The following MX2 variants were observed in gnomAD, a reference collection of about 807,000 sequenced individuals.
MX2 encodes the protein interferon-induced GTP-binding protein Mx2.
In MX2, 51 loss-of-function variants were observed where a neutral mutation model predicts 74.0. The observed-to-expected ratio is 0.69, with a 90% CI of 0.55 to 0.87. The LOEUF is 0.87. Among genes scored for constraint, MX2 ranks in the 40% least tolerant of loss-of-function variants. The pLI is 0.00. For synonymous variants in MX2, 369 were observed against 339.3 expected, an observed-to-expected ratio of 1.09 and a Z score of -0.96; for missense variants, 832 against 908.7, an observed-to-expected ratio of 0.92 and a Z score of 1.09.
Position 41,376,975 on chromosome 21 carries a change from A to T in MX2, c.69A>T (p.Lys23Asn). ...AATTTTCTTCTCGAAAATACCTGAA[A>T]AAAGAAATGAATTCCTTCCAGCAAC... ...RSQFSSRKYL[K>N]KEMNSFQQQP... Residue 23 changes from lysine to asparagine, a missense_variant, in exon 2 of 14, where the codon AAA becomes AAT. Coordinates refer to ENST00000330714, the MANE Select transcript of MX2 (RefSeq NM_002463.2). 6.2e-7 allele frequency: 1 copy of T among 1,614,136 alleles called. No homozygotes were observed. Among genetic ancestry groups the T allele is most frequent in the Non-Finnish European group, 8.5e-7 (1 of 1,180,036 alleles).
rs776928060 is a variant in MX2 at position 41,388,683 on chromosome 21, G to A, written c.733-1882G>A. ...CTAATGTTTGCTGCATGCACATAAC[G>A]TGCTCTTTATGGTCACCCCCTCTCC... On this transcript the variant is annotated intron_variant, in intron 5 of 13. Coordinates refer to ENST00000330714, the MANE Select transcript of MX2 (RefSeq NM_002463.2). This position sits in a 1 kb window ranked among gnomAD's most constrained non-coding sequence, Gnocchi z 4.0. Among the ~76,000 whole-genome samples, 9 of 152,174 alleles carry A rather than the reference G, an allele frequency of 5.9e-5. No individual in the cohort carries two copies. The highest frequency in any genetic ancestry group is 8.8e-5 in the Non-Finnish European group (6 of 68,036).
rs2089469348 is a variant in MX2 at position 41,380,160 on chromosome 21, A to G, written c.577+9A>G. On this transcript the variant is annotated intron_variant, in intron 4 of 13. Coordinates refer to ENST00000330714, the MANE Select transcript of MX2 (RefSeq NM_002463.2). The surrounding 1 kb of genome is among the most constrained non-coding windows in gnomAD (Gnocchi z 4.3). ...GAAAGAGATACACAAAGGTGGGCCC[A>G]CGTCATTCTGAGGTTCGGATCTGGC... The G allele has an allele frequency of 6.2e-7, 1 of 1,613,610 alleles. No individual in the cohort carries two copies. Among genetic ancestry groups the G allele is most frequent in the Admixed American group, 1.7e-5 (1 of 59,946 alleles).
At position 41,382,450 on chromosome 21, in the gene MX2, T is replaced by C. The variant is rs976797151; in HGVS notation, c.618T>C (p.His206=). The C allele has an allele frequency of 1.9e-6, 3 of 1,613,518 alleles. No homozygotes were observed. The highest frequency in any genetic ancestry group is 2.5e-6 in the Non-Finnish European group (3 of 1,179,596). The stretch of plus-strand genomic sequence containing the variant: ...CCGGGAATGGCCGGGGCATCAGCCA[T>C]GAGCTCATCAGCCTGGAGATCACCT... The part of the protein sequence containing the change: ...VMAGNGRGIS[H]ELISLEITSP... The change falls in exon 5 of 14, where the codon CAT becomes CAC. Residue 206 remains histidine, a synonymous_variant. Transcript: ENST00000330714.
At position 41,402,070 on chromosome 21, in the gene MX2, G is replaced by A; in HGVS notation, c.1515G>A (p.Val505=). ...ACTACAAGACATTTGAGATCATCGTGCATCAGTACATCCAGCAGCTGGTGG... is the reference window on the plus strand; with the variant it reads ...ACTACAAGACATTTGAGATCATCGTACATCAGTACATCCAGCAGCTGGTGG... ...FVNYKTFEII[V]HQYIQQLVEP... The change falls in exon 11 of 14, where the codon GTG becomes GTA. Residue 505 remains valine, a synonymous_variant. Coordinates refer to ENST00000330714, the MANE Select transcript of MX2 (RefSeq NM_002463.2). This position sits in a 1 kb window ranked among gnomAD's most constrained non-coding sequence, Gnocchi z 4.5. 6.2e-7 allele frequency: 1 copy of A among 1,614,176 alleles called. No homozygotes were observed. The highest frequency in any genetic ancestry group is 2.2e-5 in the East Asian group (1 of 44,878).
intron 13 of MX2, 48 bp downstream of exon 13, chr21:41,407,046 C>T (rs781547840): frequency 1.3e-6 from 2 of 1,587,938 alleles, no homozygotes; most frequent in Non-Finnish European, 1.7e-6. Flanking sequence ...ATTTGCAGAG[C>T]TGAGTAGGGG....
chr21:41,377,851 C>T lies in MX2; in HGVS notation c.312C>T (p.Ile104=), dbSNP rs754668921. ...AGGTGCGCCCCTGCATTGACCTCAT[C>T]GACTCCCTGCGGGCTCTGGGTGTGG... is the stretch of plus-strand genomic sequence containing the variant. ...EQKVRPCIDL[I]DSLRALGVEQ... is the part of the protein sequence containing the mutation. The change falls in exon 3 of 14, where the codon ATC becomes ATT. Residue 104 remains isoleucine, a synonymous_variant. Transcript: ENST00000330714. The T allele has an allele frequency of 5.0e-6, 8 of 1,614,104 alleles. No homozygotes were observed. The highest frequency in any genetic ancestry group is 2.2e-5 in the East Asian group (1 of 44,900).
chr21:41,407,383 C>T (rs761793208), intron 13 of MX2, among the ~76,000 whole-genome samples: 1 of 152,202 alleles, frequency 6.6e-6, no homozygotes, highest in Non-Finnish European at 1.5e-5. Context: ...TCAGAAGGCA[C>T]TAACATGCCA....
At chr21:41,372,333 C>G (rs2089336450) in intron 1 of MX2, among the ~76,000 whole-genome samples, 1 of 152,222 alleles carries the variant, frequency 6.6e-6, no homozygotes, top group African/African-American at 2.4e-5. Context: ...GCTCATGGCA[C>G]TCAAGGACAG....
chr21:41,376,684 T>C (rs1312635790), intron 1 of MX2, among the ~76,000 whole-genome samples, 152 bp from the exon 2 acceptor site: 1 of 152,152 alleles, frequency 6.6e-6, no homozygotes, highest in Non-Finnish European at 1.5e-5. Flanking sequence ...GAGCCCCTCC[T>C]GCAGACAGGG....
chr21:41,406,967 A>T lies in MX2; in HGVS notation c.1874A>T (p.Glu625Val), dbSNP rs779187424. Residue 625 changes from glutamate to valine, a missense_variant, in exon 13 of 14, where the codon GAA becomes GTA. Physicochemically the swap from Glu to Val is moderately radical, Grantham distance 121. Coordinates refer to ENST00000330714, the MANE Select transcript of MX2 (RefSeq NM_002463.2). ...GAGTCTTCGGTTTCCTCCTTTACTG[A>T]AATAGGCATCCACCTGAATGCCTAC... Reference protein sequence around the residue: ...SNESSVSSFTEIGIHLNAYFL... With the variant: ...SNESSVSSFTVIGIHLNAYFL... The T allele has an allele frequency of 1.9e-6, 3 of 1,613,516 alleles. No homozygotes were observed. Among genetic ancestry groups the T allele is most frequent in the Non-Finnish European group, 2.5e-6 (3 of 1,179,448 alleles).
At position 41,402,075 on chromosome 21, in the gene MX2, A is replaced by C; in HGVS notation, c.1520A>C (p.Gln507Pro). 2.5e-6 allele frequency: 4 copies of C among 1,614,222 alleles called. No homozygotes were observed. The South Asian group carries it at 4.4e-5, about 18-fold the overall frequency. The part of the protein sequence containing the change: ...NYKTFEIIVH[Q>P]YIQQLVEPAL... ...AAGACATTTGAGATCATCGTGCATC[A>C]GTACATCCAGCAGCTGGTGGAGCCC... Residue 507 changes from glutamine to proline, a missense_variant, in exon 11 of 14, where the codon CAG (glutamine) becomes CCG (proline). Transcript: ENST00000330714. This position sits in a 1 kb window ranked among gnomAD's most constrained non-coding sequence, Gnocchi z 4.5.
chr21:41,385,430 T>C (rs2145909148), intron 5 of MX2, among the ~76,000 whole-genome samples: 1 of 152,306 alleles, frequency 6.6e-6, no homozygotes, highest in South Asian at 2.1e-4. Flanking sequence ...AGTGAATATG[T>C]CTCATGAGAT....
At position 41,363,901 on chromosome 21, in the gene MX2, C is replaced by T. The variant is rs2089239697; in HGVS notation, c.-72+1846C>T. 1 of 154,948 alleles carries T rather than the reference C, an allele frequency of 6.5e-6. No homozygotes were observed. Among genetic ancestry groups the T allele is most frequent in the South Asian group, 2.0e-4 (1 of 4,924 alleles). 9.6% of individuals were successfully genotyped at this position (154,948 alleles called of 1,614,324 possible). A position where few individuals can be genotyped will look rare whatever the true frequency, so the allele number is the denominator to read the frequency against. ...TGTGCTTGTCCTCCAATCTCAACAC[C>T]CTGGGATGCAGTGTCAGGTGCAGGT... On this transcript the variant is annotated intron_variant, in intron 1 of 13. Transcript: ENST00000330714. This position sits in a 1 kb window ranked among gnomAD's most constrained non-coding sequence, Gnocchi z 4.2.
At position 41,382,429 on chromosome 21, in the gene MX2, G is replaced by A. The variant is rs1339650159; in HGVS notation, c.597G>A (p.Gly199=). Residue 199 remains glycine, a synonymous_variant, in exon 5 of 14, where the codon GGG becomes GGA. Coordinates refer to ENST00000330714, the MANE Select transcript of MX2 (RefSeq NM_002463.2). ...CCATAGCCCAGAACGTCATGGCCGGGAATGGCCGGGGCATCAGCCATGAGC... is the reference window on the plus strand; with the variant it reads ...CCATAGCCCAGAACGTCATGGCCGGAAATGGCCGGGGCATCAGCCATGAGC... ...EIHKAQNVMA[G]NGRGISHELI... 1 of 1,614,136 alleles carries A rather than the reference G, an allele frequency of 6.2e-7. No homozygotes were observed. Among genetic ancestry groups the A allele is most frequent in the Admixed American group, 1.7e-5 (1 of 60,030 alleles).
intron 12 of MX2, among the ~76,000 whole-genome samples, chr21:41,405,107 G>A (rs533474207): frequency 6.6e-6 from 1 of 151,810 alleles, no homozygotes; most frequent in African/African-American, 2.4e-5. Flanking sequence ...TCAGGAGTTC[G>A]AGACCAGCCT....
intron 13 of MX2, among the ~76,000 whole-genome samples, chr21:41,407,568 AAT>A (rs1248813778): frequency 6.6e-6 from 1 of 152,170 alleles, no homozygotes; most frequent in Non-Finnish European, 1.5e-5. Flanking sequence ...TCTCAATCAG[AAT>A]AGAGTGGTTT....
chr21:41,386,259 AAAGCACAATAAAGCG>A (rs1412063796), intron 5 of MX2, among the ~76,000 whole-genome samples: 1 of 150,874 alleles, frequency 6.6e-6, no homozygotes, highest in African/African-American at 2.4e-5. Flanking sequence ...ACAAATCTGC[AAAGCACAATAAAGCG>A]AAGCACAATA....
At chr21:41,397,249 A>G (rs1474788810) in intron 7 of MX2, among the ~76,000 whole-genome samples, 1 of 152,246 alleles carries the variant, frequency 6.6e-6, no homozygotes, top group Non-Finnish European at 1.5e-5. Context: ...GTTAATATTT[A>G]TAAAGCCCTT....
At chr21:41,367,256 T>C (rs2089273649) in intron 1 of MX2, 2 of 152,206 alleles carry the variant, frequency 1.3e-5, no homozygotes, top group South Asian at 4.1e-4. Context: ...TAACATAATC[T>C]TAACATAATT....
Sources: allele counts gnomAD v4.1 joint callset (sites outside exome capture counted in the v4.1 genomes callset), GRCh38; gene constraint gnomAD v4.1.1; non-coding constraint Gnocchi (gnomAD v3.1); transcripts MANE v1.5; gene names NCBI Gene and HGNC (gene_info 2026-07-23, HGNC 2026-07-21).